The following TBR1 variants were observed in gnomAD, a reference collection of about 807,000 sequenced individuals.
TBR1 encodes the protein T-box brain transcription factor 1, also known as T-box brain protein 1.
TBR1 carries 7 observed loss-of-function variants against 60.3 expected under a neutral mutation model. The observed-to-expected ratio is 0.12, with a 90% CI of 0.07 to 0.22. The LOEUF (loss-of-function observed/expected upper bound fraction) is 0.22, where lower values mean the gene tolerates loss of function less well. Among genes scored for constraint, TBR1 ranks in the 10% least tolerant of loss-of-function variants. The pLI, the probability that TBR1 is intolerant of heterozygous loss-of-function variation, is 1.00. For missense variants in TBR1, 616 were observed against 936.8 expected (o/e 0.66, Z 4.47); for synonymous variants, 417 against 409.9 (o/e 1.02, Z -0.21).
chr2:161,420,613 G>GT (rs762068027), intron 5 of TBR1: 6 of 177,168 alleles, frequency 3.4e-5, no homozygotes, highest in Non-Finnish European at 7.1e-5. Context: ...TGCGAGTACT[G>GT]TATGTGGCGC....
Position 161,418,972 on chromosome 2 carries a change from T to C in TBR1, c.1050T>C (p.Thr350=). 6.2e-7 allele frequency: 1 copy of C among 1,614,200 alleles called. No homozygotes were observed. Among genetic ancestry groups the C allele is most frequent in the South Asian group, 1.1e-5 (1 of 91,088 alleles). Residue 350 remains threonine, a synonymous_variant, in exon 4 of 6, where the codon ACT becomes ACC. Coordinates refer to ENST00000389554, the MANE Select transcript of TBR1 (RefSeq NM_006593.4). ...TGAACGAGGACGGCACGGAGGACAC[T>C]AGCCAGCCCGGCCGCGTGCAGACGT... The part of the protein sequence containing the change: ...VEVNEDGTED[T]SQPGRVQTFT...
chr2:161,419,071 G>A (rs1429242095), intron 4 of TBR1, 21 bp downstream of exon 4: 8 of 1,613,540 alleles, frequency 5.0e-6, no homozygotes, highest in Admixed American at 1.7e-5. Flanking sequence ...CTAGGGGCTG[G>A]GGGCGAGGCG....
At chr2:161,421,698 A>T (rs1160290397) in intron 5 of TBR1, 1 of 152,242 alleles carries the variant, frequency 6.6e-6, no homozygotes. Context: ...TTGTGGTGAT[A>T]AACAGAGAAG....
Position 161,423,420 on chromosome 2 carries a change from G to C in TBR1, c.1242G>C (p.Ser414=), listed in dbSNP as rs200230676. ...GCCTGACCCCCTCGCCCAACGACTC[G>C]CCGCGCTCGCAGATCGTGCCCGGGG... is the stretch of plus-strand genomic sequence containing the variant. The part of the protein sequence containing the change: ...MDRLTPSPND[S]PRSQIVPGAR... The change falls in exon 6 of 6, where the codon TCG becomes TCC. Residue 414 remains serine, a synonymous_variant. Coordinates refer to ENST00000389554, the MANE Select transcript of TBR1 (RefSeq NM_006593.4). 55 of 1,593,542 alleles carry C rather than the reference G, an allele frequency of 3.5e-5. No homozygotes were observed. In the East Asian group the frequency reaches 1.2e-3, roughly 35 times the overall value.
At position 161,423,761 on chromosome 2, in the gene TBR1, C is replaced by A. The variant is rs748101844; in HGVS notation, c.1583C>A (p.Ala528Asp). The stretch of plus-strand genomic sequence containing the variant: ...GGCGTGAAGGCGCTGCCGCTGCAGG[C>A]TGCAGGCTGCACTGGCCGCCCGCTC... ...AAGVKALPLQ[A>D]AGCTGRPLGY... The change falls in exon 6 of 6, where the codon GCT (alanine) becomes GAT (aspartate). Residue 528 changes from alanine to aspartate, a missense_variant. By Grantham distance (126) the Ala-to-Asp change is moderately radical (BLOSUM62 -2). This residue lies in a region of TBR1 where 210 missense variants were observed against 297.4 expected (regional missense o/e 0.71). Coordinates refer to ENST00000389554, the MANE Select transcript of TBR1 (RefSeq NM_006593.4). 2.7e-6 allele frequency: 4 copies of A among 1,496,338 alleles called. No homozygotes were observed. The highest frequency in any genetic ancestry group is 2.7e-6 in the Non-Finnish European group (3 of 1,129,350). The allele number at this position is 1,496,338 out of a possible 1,614,324, so 92.7% of individuals were successfully genotyped here.
chr2:161,423,501 C>G lies in TBR1; in HGVS notation c.1323C>G (p.Ala441=). 1 of 1,598,902 alleles carries G rather than the reference C, an allele frequency of 6.3e-7. No individual in the cohort carries two copies. Among genetic ancestry groups the G allele is most frequent in the Non-Finnish European group, 8.5e-7 (1 of 1,174,038 alleles). ...AGGACCAGTTCGTGAGCAACTACGCCAAGGCCCGCTTCCACCCGGGCGCGG... is the reference window on the plus strand; with the variant it reads ...AGGACCAGTTCGTGAGCAACTACGCGAAGGCCCGCTTCCACCCGGGCGCGG... ...FLQDQFVSNY[A]KARFHPGAGA... Residue 441 remains alanine, a synonymous_variant, in exon 6 of 6, where the codon GCC becomes GCG. Coordinates refer to ENST00000389554, the MANE Select transcript of TBR1 (RefSeq NM_006593.4).
chr2:161,423,894 C>G lies in TBR1; in HGVS notation c.1716C>G (p.Ala572=). ...LPCWPNSAAA[A]ARMAGANPYL... is the part of the protein sequence containing the mutation. ...GCTGGCCCAACAGCGCCGCGGCCGC[C>G]GCGCGCATGGCCGGCGCCAATCCCT... is the stretch of plus-strand genomic sequence containing the variant. Residue 572 remains alanine (A), a synonymous_variant, in exon 6 of 6, where the codon GCC becomes GCG. Coordinates refer to ENST00000389554, the MANE Select transcript of TBR1 (RefSeq NM_006593.4). 7.3e-7 allele frequency: 1 copy of G among 1,370,838 alleles called. No individual in the cohort carries two copies. Among genetic ancestry groups the G allele is most frequent in the Non-Finnish European group, 9.4e-7 (1 of 1,065,638 alleles). 84.9% of individuals were successfully genotyped at this position (1,370,838 alleles called of 1,614,324 possible). A position where few individuals can be genotyped will look rare whatever the true frequency, so the allele number is the denominator to read the frequency against.
At chr2:161,419,633 T>G (rs1172233172) in intron 4 of TBR1, 1 of 152,676 alleles carries the variant, frequency 6.5e-6, no homozygotes, top group African/African-American at 2.4e-5. Context: ...ATTTTTCAAG[T>G]TTGCAAAAAC....
Position 161,417,368 on chromosome 2 carries a change from G to C in TBR1, c.692+266G>C. 1.8e-6 allele frequency: 1 copy of C among 560,774 alleles called. No homozygotes were observed. Among genetic ancestry groups the C allele is most frequent in the Non-Finnish European group, 3.1e-6 (1 of 322,070 alleles). 34.7% of individuals were successfully genotyped at this position (560,774 alleles called of 1,614,324 possible). On this transcript the variant is annotated intron_variant, in intron 1 of 5. Coordinates refer to ENST00000389554, the MANE Select transcript of TBR1 (RefSeq NM_006593.4). This position sits in a 1 kb window ranked among gnomAD's most constrained non-coding sequence, Gnocchi z 5.3. ...AAAGGAAGAGCCCTGGCCAGCGGCT[G>C]GGCGATGGGAGGGACGCATCAACAC...
Position 161,424,535 on chromosome 2 carries a change from A to C in TBR1, c.*308A>C. On this transcript the variant is annotated 3_prime_UTR_variant, in exon 6 of 6. Coordinates refer to ENST00000389554, the MANE Select transcript of TBR1 (RefSeq NM_006593.4). The surrounding 1 kb of genome is among the most constrained non-coding windows in gnomAD (Gnocchi z 4.4). ...CCCCCTCGTCTTTCTCTTACCTCCT[A>C]CTTCTCTTTCTTGTAATGAAACTCT... is the stretch of plus-strand genomic sequence containing the variant. 1 of 306,658 alleles carries C rather than the reference A, an allele frequency of 3.3e-6. No homozygotes were observed. Among genetic ancestry groups the C allele is most frequent in the Non-Finnish European group, 6.1e-6 (1 of 164,604 alleles). 19.0% of individuals were successfully genotyped at this position (306,658 alleles called of 1,614,324 possible).
chr2:161,419,834 T>C (rs1213259392), intron 4 of TBR1: 2 of 157,078 alleles, frequency 1.3e-5, no homozygotes, highest in East Asian at 3.7e-4. Flanking sequence ...ATACTTAAAA[T>C]AGTCAACATT....
chr2:161,423,275 A>G, intron 5 of TBR1, 94 bp from the exon 6 acceptor site: 1 of 981,564 alleles, frequency 1.0e-6, no homozygotes, highest in Non-Finnish European at 1.4e-6. Context: ...GGTGGGCGAA[A>G]AGTGGAGGTG....
chr2:161,418,096 ATGTGTGTGTGTGTGTGTGTG>A (rs78592009), intron 2 of TBR1, 85 bp from the exon 3 acceptor site: 3 of 1,414,358 alleles, frequency 2.1e-6, no homozygotes, highest in Non-Finnish European at 1.9e-6. Flanking sequence ...AGGTGTGTGT[ATGTGTGTGTGTGTGTGTGTG>A]TGTGTGTGTG....
chr2:161,418,152 G>A (rs1684164269), intron 2 of TBR1, 49 bp from the exon 3 acceptor site: 1 of 1,578,950 alleles, frequency 6.3e-7, no homozygotes, highest in Non-Finnish European at 8.6e-7. Context: ...GAGGAGCTGG[G>A]ACTGGGCAGT....
At chr2:161,423,299 C>CG in intron 5 of TBR1, 70 bp from the exon 6 acceptor site, 2 of 988,892 alleles carry the variant, frequency 2.0e-6, no homozygotes, top group Non-Finnish European at 1.4e-6. Context: ...TTCCCTTCTG[C>CG]CCCCACCCCC....
Position 161,420,424 on chromosome 2 carries a change from T to C in TBR1, c.1190+167T>C, listed in dbSNP as rs1213698079. ...CTTCTTTCTTCTTCCTCTTCTTTTT[T>C]TTTTTTTTTTTTTTTTTGGTTGGCT... On this transcript the variant is annotated intron_variant, in intron 5 of 5. Transcript: ENST00000389554. The C allele has an allele frequency of 2.4e-4, 58 of 242,518 alleles. 1 individual carries two copies. The highest frequency in any genetic ancestry group is 1.6e-3 in the Middle Eastern group (1 of 636). The allele number at this position is 242,518 out of a possible 1,614,324, so 15.0% of individuals were successfully genotyped here. A position where few individuals can be genotyped will look rare whatever the true frequency, so the allele number is the denominator to read the frequency against.
In TBR1 at chr2:161,417,407, C is replaced by G; in HGVS notation, c.693-269C>G. 1 of 566,166 alleles carries G rather than the reference C, an allele frequency of 1.8e-6. No individual in the cohort carries two copies. Among genetic ancestry groups the G allele is most frequent in the Non-Finnish European group, 3.1e-6 (1 of 322,468 alleles). 35.1% of individuals were successfully genotyped at this position (566,166 alleles called of 1,614,324 possible). The stretch of plus-strand genomic sequence containing the variant: ...ACGCATCAACACTGGCATGCACGGA[C>G]AGGTGGAGACGCAGGTCGCCAACCT... On this transcript the variant is annotated intron_variant, in intron 1 of 5. Coordinates refer to ENST00000389554, the MANE Select transcript of TBR1 (RefSeq NM_006593.4). The surrounding 1 kb of genome is among the most constrained non-coding windows in gnomAD (Gnocchi z 5.3).
At chr2:161,423,309 C>A in intron 5 of TBR1, 60 bp from the exon 6 acceptor site, 2 of 1,011,568 alleles carry the variant, frequency 2.0e-6, no homozygotes, top group South Asian at 2.6e-5. Context: ...CCCCCACCCC[C>A]ACCCCAAGGG....
Position 161,418,238 on chromosome 2 carries a change from T to C in TBR1, c.885T>C (p.Thr295=). 1 of 1,614,008 alleles carries C rather than the reference T, an allele frequency of 6.2e-7. No individual in the cohort carries two copies. Among genetic ancestry groups the C allele is most frequent in the Non-Finnish European group, 8.5e-7 (1 of 1,179,990 alleles). ...ATATGCATCCGGATTCCCCCAACAC[T>C]GGGGCTCACTGGATGCGCCAAGAAA... The part of the protein sequence containing the change: ...RVYMHPDSPN[T]GAHWMRQEIS... The change falls in exon 3 of 6, where the codon ACT becomes ACC. Residue 295 remains threonine (T), a synonymous_variant. Coordinates refer to ENST00000389554, the MANE Select transcript of TBR1 (RefSeq NM_006593.4).
Sources: allele counts gnomAD v4.1 joint callset, GRCh38; gene constraint gnomAD v4.1.1; regional missense constraint gnomAD v4.1.1; non-coding constraint Gnocchi (gnomAD v3.1); transcripts MANE v1.5; gene names NCBI Gene and HGNC (gene_info 2026-07-23, HGNC 2026-07-21).